GSE1: variants seen among roughly 807,000 people sequenced by gnomAD.
GSE1 encodes the protein Gse1 coiled-coil protein.
A neutral mutation model predicts 112.6 loss-of-function variants in GSE1; 32 were observed. That is an observed-to-expected ratio of 0.28 (90% CI 0.21 to 0.38). GSE1 has a LOEUF of 0.38. GSE1 is among the 10% of genes least tolerant of loss of function. The probability of loss-of-function intolerance (pLI) is 1.00; values close to 1 mark genes in which losing one functional copy is unlikely to be tolerated. For synonymous variants in GSE1, 1,115 were observed against 735.6 expected, an observed-to-expected ratio of 1.52 and a Z score of -8.35; for missense variants, 2,348 against 1,699.2, an observed-to-expected ratio of 1.38 and a Z score of -6.71.
intron 2 of GSE1, among the ~76,000 whole-genome samples, chr16:85,379,984 C>T (rs948929473): frequency 6.6e-6 from 1 of 152,240 alleles, no homozygotes; most frequent in Admixed American, 6.5e-5. Flanking sequence ...GCATGGTGGG[C>T]AAAGGGGCTT....
chr16:85,555,005 C>T (rs918296623), upstream of GSE1: 2 of 985,330 alleles, frequency 2.0e-6, no homozygotes, highest in East Asian at 1.1e-4. Context: ...ATCTGCCGCC[C>T]GGCTCGGCGG....
intron 2 of GSE1, among the ~76,000 whole-genome samples, chr16:85,480,940 C>T (rs962273498): frequency 6.6e-6 from 1 of 152,228 alleles, no homozygotes; most frequent in African/African-American, 2.4e-5. Flanking sequence ...GGGAGCAGCG[C>T]GTGCAGAACC....
At chr16:85,532,723 C>T (rs1205368060) in intron 2 of GSE1, among the ~76,000 whole-genome samples, 1 of 152,264 alleles carries the variant, frequency 6.6e-6, no homozygotes, top group African/African-American at 2.4e-5. Flanking sequence ...GCCTGTGGCT[C>T]CAGGTGGAGA....
chr16:85,378,689 C>T (rs1365384756), intron 2 of GSE1, among the ~76,000 whole-genome samples: 2 of 152,182 alleles, frequency 1.3e-5, no homozygotes, highest in Admixed American at 6.5e-5. Flanking sequence ...GAGGCCCAGG[C>T]GAACCTTTGC....
rs1051200506 is a variant in GSE1, at chr16:85,648,575, T to G, written c.250T>G (p.Ser84Ala). 6.3e-7 allele frequency: 1 copy of G among 1,575,934 alleles called. No homozygotes were observed. The highest frequency in any genetic ancestry group is 8.6e-7 in the Non-Finnish European group (1 of 1,161,410). The change falls in exon 3 of 16, where the codon TCC (serine) becomes GCC (alanine). Residue 84 changes from serine to alanine, a missense_variant. Physicochemically the swap from Ser to Ala is moderately conservative, Grantham distance 99. Transcript: ENST00000253458. Reference sequence around the variant, plus strand: ...AGGGTCCTCACTGAGCAGCGAGTCGTCCCCCGTGTCCTCTCCGGCCACCAA... The same window carrying G: ...AGGGTCCTCACTGAGCAGCGAGTCGGCCCCCGTGTCCTCTCCGGCCACCAA... ...PRGSSLSSES[S>A]PVSSPATNHS... is the part of the protein sequence containing the mutation.
At chr16:85,564,200 G>A (rs1219295693) in intron 1 of GSE1, among the ~76,000 whole-genome samples, 1 of 152,218 alleles carries the variant, frequency 6.6e-6, no homozygotes, top group Non-Finnish European at 1.5e-5. Context: ...TGGAGGAGGT[G>A]GCACTAAAAG....
At chr16:85,257,218 C>G (rs1242359419) in intron 1 of GSE1, among the ~76,000 whole-genome samples, 5 of 152,178 alleles carry the variant, frequency 3.3e-5, no homozygotes, top group African/African-American at 1.2e-4. Context: ...AAGCGATTCG[C>G]CTGCTTCATC....
chr16:85,635,649 T>A (rs1057329742), intron 2 of GSE1, among the ~76,000 whole-genome samples: 1 of 152,180 alleles, frequency 6.6e-6, no homozygotes, highest in African/African-American at 2.4e-5. Flanking sequence ...TTGTCTTTTT[T>A]TCTCAGCGTT....
At chr16:85,174,370 G>C (rs893319952) in intron 1 of GSE1, among the ~76,000 whole-genome samples, 1 of 152,240 alleles carries the variant, frequency 6.6e-6, no homozygotes, top group African/African-American at 2.4e-5. Context: ...TGGTGAGGCC[G>C]CTGGGGCAGG....
upstream of GSE1, among the ~76,000 whole-genome samples, chr16:85,553,365 A>G (rs2045029091): frequency 6.6e-6 from 1 of 151,266 alleles, no homozygotes; most frequent in Non-Finnish European, 1.5e-5. Flanking sequence ...AGCTCCGGAA[A>G]CAAAGGGCCG....
intron 1 of GSE1, among the ~76,000 whole-genome samples, chr16:85,339,355 G>A (rs1423140929): frequency 6.6e-6 from 1 of 152,090 alleles, no homozygotes; most frequent in Non-Finnish European, 1.5e-5. Flanking sequence ...GGCTGTGCTC[G>A]CTCCAGCCGT....
chr16:85,186,035 G>C (rs887999139), intron 1 of GSE1, among the ~76,000 whole-genome samples: 3 of 152,194 alleles, frequency 2.0e-5, no homozygotes, highest in Non-Finnish European at 4.4e-5. Context: ...GAGAGACCAC[G>C]ATGGGCCGGG....
At chr16:85,632,806 G>C (rs1280769016) in intron 1 of GSE1, among the ~76,000 whole-genome samples, 1 of 152,222 alleles carries the variant, frequency 6.6e-6, no homozygotes, top group Non-Finnish European at 1.5e-5. Flanking sequence ...TCCACAGGGA[G>C]GAAGCCGGGA....
chr16:85,211,750 G>C (rs1477851117), intron 1 of GSE1, among the ~76,000 whole-genome samples: 2 of 152,208 alleles, frequency 1.3e-5, no homozygotes, highest in Non-Finnish European at 2.9e-5. Flanking sequence ...ACCCGCGAGA[G>C]AGGTATCAGT....
At chr16:85,252,196 G>T (rs1258275462) in intron 1 of GSE1, among the ~76,000 whole-genome samples, 1 of 132,796 alleles carries the variant, frequency 7.5e-6, no homozygotes, top group African/African-American at 3.8e-5. Context: ...GCTCCATGTG[G>T]TCACCCGGCC....
In GSE1 at chr16:85,361,762, G is replaced by A. The variant is rs557437178; in HGVS notation, c.2464+4119G>A. Among the ~76,000 whole-genome samples the A allele has an allele frequency of 4.6e-5, 7 of 152,358 alleles. No homozygotes were observed. In the South Asian group the frequency reaches 1.0e-3, roughly 23 times the overall value. ...TGGGCAGAGTCCCCCAGGGAAACACGTGGCCGTCAGCTGCCTTGGTCTCCC... is the reference window on the plus strand; with the variant it reads ...TGGGCAGAGTCCCCCAGGGAAACACATGGCCGTCAGCTGCCTTGGTCTCCC... On this transcript the variant is annotated intron_variant, in intron 2 of 2. Coordinates refer to the GSE1 transcript ENST00000637419.
chr16:85,268,098 G>C (rs1908437950), intron 1 of GSE1, among the ~76,000 whole-genome samples: 1 of 152,156 alleles, frequency 6.6e-6, no homozygotes, highest in Non-Finnish European at 1.5e-5. Flanking sequence ...GCCCACTGCT[G>C]AGCGGTCTGC....
chr16:85,648,835 G>C (rs1405053197), intron 3 of GSE1, 84 bp downstream of exon 3: 2 of 768,130 alleles, frequency 2.6e-6, no homozygotes, highest in Non-Finnish European at 4.0e-6. Flanking sequence ...TGGAGCTTTC[G>C]AGGTTGAGTT....
At chr16:85,455,771 G>T (rs2049809851) in intron 2 of GSE1, among the ~76,000 whole-genome samples, 1 of 152,222 alleles carries the variant, frequency 6.6e-6, no homozygotes, top group South Asian at 2.1e-4. Flanking sequence ...GGGGGAATGT[G>T]ACCCATCCAC....
Sources: gnomAD v4.1 joint callset for allele counts (sites outside exome capture counted in the v4.1 genomes callset) on GRCh38, gnomAD v4.1.1 for gene constraint, MANE v1.5 for transcripts, NCBI Gene and HGNC (gene_info 2026-07-23, HGNC 2026-07-21) for gene names.